SLC35F4: variants seen among roughly 807,000 people sequenced by gnomAD.
SLC35F4 encodes the protein solute carrier family 35 member F4.
In SLC35F4, 24 loss-of-function variants were observed where a neutral mutation model predicts 44.2. The observed-to-expected ratio is 0.54, with a 90% CI of 0.39 to 0.76. The LOEUF is 0.76. Among genes scored for constraint, SLC35F4 ranks in the 30% least tolerant of loss-of-function variants. The pLI is 0.00. For missense variants in SLC35F4, 562 were observed against 586.1 expected (o/e 0.96, Z 0.42); for synonymous variants, 238 against 223.6 (o/e 1.06, Z -0.57).
At chr14:57,646,422 T>C (rs966926540) in intron 1 of SLC35F4, among the ~76,000 whole-genome samples, 6 of 152,366 alleles carry the variant, frequency 3.9e-5, no homozygotes, top group Non-Finnish European at 7.3e-5. Flanking sequence ...GAGGTATCTA[T>C]AGTATTCTCT....
chr14:57,946,707 C>T (rs1374471774), intron 1 of SLC35F4, among the ~76,000 whole-genome samples: 1 of 151,978 alleles, frequency 6.6e-6, no homozygotes, highest in African/African-American at 2.4e-5. Context: ...AACTCCTGGC[C>T]TCAAGTGATC....
chr14:57,945,303 G>A (rs767737743), intron 1 of SLC35F4, among the ~76,000 whole-genome samples: 1 of 151,970 alleles, frequency 6.6e-6, no homozygotes, highest in African/African-American at 2.4e-5. Flanking sequence ...AACCCTGAAA[G>A]CTACTATTTC....
At chr14:57,644,187 C>A (rs975755399) in intron 1 of SLC35F4, among the ~76,000 whole-genome samples, 1 of 152,150 alleles carries the variant, frequency 6.6e-6, no homozygotes, top group African/African-American at 2.4e-5. Context: ...CCTGAGGAAT[C>A]GCCACACTGA....
At chr14:57,868,132 C>T (rs768853720), upstream of SLC35F4, among the ~76,000 whole-genome samples, 24 of 152,116 alleles carry the variant, frequency 1.6e-4, no homozygotes, top group Non-Finnish European at 2.4e-4. Flanking sequence ...AATTTAAATA[C>T]TACAATGTAA....
At chr14:57,574,617 T>C (rs1036449417) in intron 4 of SLC35F4, among the ~76,000 whole-genome samples, 4 of 152,222 alleles carry the variant, frequency 2.6e-5, no homozygotes, top group African/African-American at 9.6e-5. Context: ...CAAAAATATC[T>C]GATAGGTCAA....
intron 1 of SLC35F4, among the ~76,000 whole-genome samples, chr14:57,815,514 A>G (rs1348892548): frequency 6.6e-6 from 1 of 152,214 alleles, no homozygotes; most frequent in Non-Finnish European, 1.5e-5. Flanking sequence ...AAGGGCTGAG[A>G]CAAACTCTAA....
intron 1 of SLC35F4, among the ~76,000 whole-genome samples, chr14:57,892,523 C>T (rs1888790892): frequency 6.6e-6 from 1 of 152,180 alleles, no homozygotes; most frequent in Non-Finnish European, 1.5e-5. Flanking sequence ...ATCTGCAGCT[C>T]CCAGAACCAC....
chr14:57,806,560 C>A (rs1005318317), intron 1 of SLC35F4, among the ~76,000 whole-genome samples: 4 of 152,098 alleles, frequency 2.6e-5, no homozygotes, highest in African/African-American at 9.7e-5. Flanking sequence ...CTCTTTCTCC[C>A]AGATAGCTTC....
intron 1 of SLC35F4, among the ~76,000 whole-genome samples, chr14:57,877,213 TG>T: frequency 6.6e-6 from 1 of 152,306 alleles, no homozygotes; most frequent in South Asian, 2.1e-4. Context: ...TTTGTGTCCA[TG>T]TATATTCAGT....
chr14:57,814,133 T>C lies in SLC35F4; in HGVS notation c.103+51590A>G, dbSNP rs181736933. 9.5e-3 allele frequency among the ~76,000 whole-genome samples: 1,440 copies of C among 152,352 alleles called. 17 individuals carry two copies. The highest frequency in any genetic ancestry group is 0.013 in the Non-Finnish European group (859 of 68,026). On this transcript the variant is annotated intron_variant, in intron 1 of 7. Coordinates refer to ENST00000556826, the MANE Select transcript of SLC35F4 (RefSeq NM_001306087.2). ...GTAAACTTCTGAAAGGCAGAAAATG[T>C]GTCTCTTGCATTTGCTTGCATTTGC... is the stretch of plus-strand genomic sequence containing the variant.
chr14:57,788,149 C>T (rs973083751), intron 1 of SLC35F4, among the ~76,000 whole-genome samples: 6 of 152,102 alleles, frequency 3.9e-5, no homozygotes, highest in Admixed American at 3.3e-4. Context: ...TTTAAAGCAA[C>T]AGCAGTTAAA....
chr14:57,668,847 T>TA (rs2074410529), intron 1 of SLC35F4, among the ~76,000 whole-genome samples: 1 of 152,054 alleles, frequency 6.6e-6, no homozygotes. Context: ...TTTAAAGTAG[T>TA]TTTTTCCAAT....
At chr14:57,890,900 G>A (rs1888748707) in intron 1 of SLC35F4, among the ~76,000 whole-genome samples, 1 of 152,128 alleles carries the variant, frequency 6.6e-6, no homozygotes, top group African/African-American at 2.4e-5. Context: ...GCACTAAGGA[G>A]CAAATAAAAA....
intron 4 of SLC35F4, among the ~76,000 whole-genome samples, chr14:57,576,120 T>G (rs2139747928): frequency 6.6e-6 from 1 of 152,248 alleles, no homozygotes; most frequent in Non-Finnish European, 1.5e-5. Flanking sequence ...TCACAGATGG[T>G]TTTCACAATT....
intron 3 of SLC35F4, among the ~76,000 whole-genome samples, chr14:57,586,666 C>T (rs535463988): frequency 9.8e-5 from 13 of 132,178 alleles, no homozygotes; most frequent in African/African-American, 3.2e-4. Flanking sequence ...GGCAGTCAGC[C>T]GAGATCACAC....
chr14:57,611,548 G>A (rs1422417974), intron 1 of SLC35F4, among the ~76,000 whole-genome samples: 1 of 149,392 alleles, frequency 6.7e-6, no homozygotes, highest in African/African-American at 2.5e-5. Context: ...AAAGGCAAAA[G>A]CAGAGTCATA....
chr14:57,626,859 G>T (rs2072501004), intron 1 of SLC35F4, among the ~76,000 whole-genome samples: 1 of 83,020 alleles, frequency 1.2e-5, no homozygotes, highest in Non-Finnish European at 3.1e-5. Flanking sequence ...AATTCAAAAT[G>T]GTAATGACTG....
At chr14:57,807,613 TA>T (rs1566871220) in intron 1 of SLC35F4, among the ~76,000 whole-genome samples, 1 of 151,930 alleles carries the variant, frequency 6.6e-6, no homozygotes, top group Non-Finnish European at 1.5e-5. Context: ...AAGCCAAATC[TA>T]CTGACTGATT....
chr14:57,859,532 C>T (rs896360322), intron 1 of SLC35F4, among the ~76,000 whole-genome samples: 20 of 152,090 alleles, frequency 1.3e-4, no homozygotes, highest in African/African-American at 4.6e-4. Flanking sequence ...TAAAATAGAA[C>T]AATATAAGCT....
Sources: gnomAD v4.1 joint callset for allele counts (sites outside exome capture counted in the v4.1 genomes callset) on GRCh38, gnomAD v4.1.1 for gene constraint, MANE v1.5 for transcripts, NCBI Gene and HGNC (gene_info 2026-07-23, HGNC 2026-07-21) for gene names.